RCL1: variants seen among roughly 807,000 people sequenced by gnomAD.
RCL1 encodes RNA terminal phosphate cyclase like 1.
RCL1 carries 24 observed loss-of-function variants against 42.4 expected under a neutral mutation model. That is an observed-to-expected ratio of 0.57 (90% CI 0.41 to 0.80). RCL1 has a LOEUF of 0.80. Among genes scored for constraint, RCL1 ranks in the 30% least tolerant of loss-of-function variants. The probability of loss-of-function intolerance (pLI) is 0.00; values close to 1 mark genes in which losing one functional copy is unlikely to be tolerated. For missense variants in RCL1, 578 were observed against 467.9 expected (o/e 1.24, Z -2.17); for synonymous variants, 228 against 177.3 (o/e 1.29, Z -2.27).
intron 1 of RCL1, among the ~76,000 whole-genome samples, chr9:4,814,594 G>A (rs1816306142): frequency 6.6e-6 from 1 of 152,106 alleles, no homozygotes; most frequent in Non-Finnish European, 1.5e-5. Flanking sequence ...TTGTTTTCTG[G>A]TTGATTCGTG....
At chr9:4,840,980 CAG>C (rs745733873) in intron 5 of RCL1, among the ~76,000 whole-genome samples, 65 of 152,118 alleles carry the variant, frequency 4.3e-4, no homozygotes, top group South Asian at 1.9e-3. Flanking sequence ...GGTAGGAAGT[CAG>C]GGGGTGGGGT....
rs762694990 is a variant in RCL1, at chr9:4,793,209, G to T, written c.118G>T (p.Asp40Tyr). ...AATCCGAAAGATTCGGGCCAGAGAC[G>T]ACAACCCGGGCCTCCGAGGTAACTT... Reference protein sequence around the residue: ...VKIRKIRARDDNPGLRDFEAS... With the variant: ...VKIRKIRARDYNPGLRDFEAS... The change falls in exon 1 of 9, where the codon GAC becomes TAC. Residue 40 changes from aspartate to tyrosine, a missense_variant. Coordinates refer to ENST00000381750, the MANE Select transcript of RCL1 (RefSeq NM_005772.5). 2.5e-6 allele frequency: 4 copies of T among 1,603,386 alleles called. No individual in the cohort carries two copies. The highest frequency in any genetic ancestry group is 4.5e-5 in the East Asian group (2 of 44,296).
chr9:4,807,380 T>C (rs7048196), intron 1 of RCL1, among the ~76,000 whole-genome samples: 11,706 of 152,282 alleles, frequency 0.077, 958 homozygotes, highest in African/African-American at 0.2. Flanking sequence ...CTAGTGTATG[T>C]ATTTAAAGCA....
chr9:4,795,381 C>A (rs1842898013), intron 1 of RCL1, among the ~76,000 whole-genome samples: 1 of 152,134 alleles, frequency 6.6e-6, no homozygotes, highest in Non-Finnish European at 1.5e-5. Context: ...CTGCGCCCAG[C>A]CTGTCTGCTT....
intron 1 of RCL1, among the ~76,000 whole-genome samples, chr9:4,802,074 ATTTTTTTTT>A (rs34756856): frequency 4.2e-5 from 4 of 95,458 alleles, no homozygotes; most frequent in African/African-American, 7.7e-5. Flanking sequence ...ACGCCTGGCT[ATTTTTTTTT>A]TTTTTTTTTT....
chr9:4,847,730 C>T (rs1314946696), intron 7 of RCL1, among the ~76,000 whole-genome samples: 1 of 152,252 alleles, frequency 6.6e-6, no homozygotes, highest in Non-Finnish European at 1.5e-5. Flanking sequence ...CGACCCATTT[C>T]GGAAAGGCTT....
chr9:4,807,891 C>T (rs1055715492), intron 1 of RCL1, among the ~76,000 whole-genome samples: 4 of 152,134 alleles, frequency 2.6e-5, no homozygotes, highest in African/African-American at 7.2e-5. Flanking sequence ...ATTTTAATTT[C>T]ATTCCATTAC....
At chr9:4,807,777 C>T (rs897941906) in intron 1 of RCL1, among the ~76,000 whole-genome samples, 1 of 152,154 alleles carries the variant, frequency 6.6e-6, no homozygotes, top group African/African-American at 2.4e-5. Flanking sequence ...CCTGAGCCTC[C>T]CAAAATGCTG....
chr9:4,841,430 C>T (rs1215078712), intron 6 of RCL1, 73 bp downstream of exon 6: 1 of 1,252,878 alleles, frequency 8.0e-7, no homozygotes, highest in African/African-American at 1.5e-5. Flanking sequence ...GTTAAAACTG[C>T]CAGCTCTGAG....
chr9:4,821,384 A>C (rs1169484630), intron 1 of RCL1, among the ~76,000 whole-genome samples: 1 of 152,182 alleles, frequency 6.6e-6, no homozygotes, highest in Non-Finnish European at 1.5e-5. Context: ...GTGTCATTTG[A>C]CTAGGGCAAT....
At chr9:4,836,137 A>T (rs553934134) in intron 5 of RCL1, among the ~76,000 whole-genome samples, 1 of 152,226 alleles carries the variant, frequency 6.6e-6, no homozygotes, top group South Asian at 2.1e-4. Context: ...GTGTTCCAGC[A>T]GTAAGGTCCT....
intron 5 of RCL1, chr9:4,839,785 G>A: frequency 1.0e-6 from 1 of 963,712 alleles, no homozygotes. Flanking sequence ...CAGAGGTAAA[G>A]CCCTTGCCCT....
intron 8 of RCL1, among the ~76,000 whole-genome samples, chr9:4,857,319 C>A (rs1258658186): frequency 6.6e-6 from 1 of 152,132 alleles, no homozygotes; most frequent in East Asian, 1.9e-4. Context: ...GATAGATTTG[C>A]CTGTTGTGGC....
intron 2 of RCL1, among the ~76,000 whole-genome samples, chr9:4,825,427 C>T (rs1026737891): frequency 1.3e-5 from 2 of 152,090 alleles, no homozygotes; most frequent in African/African-American, 4.8e-5. Flanking sequence ...GTGGCCCTTA[C>T]AACTATTTCA....
intron 1 of RCL1, among the ~76,000 whole-genome samples, chr9:4,794,395 T>C (rs1842880687): frequency 6.6e-6 from 1 of 152,214 alleles, no homozygotes; most frequent in Non-Finnish European, 1.5e-5. Flanking sequence ...GTGGTTCCTG[T>C]CCTCTCTCTA....
In RCL1 at chr9:4,841,346, C is replaced by G. The variant is rs778933788; in HGVS notation, c.699C>G (p.Val233=). 1.2e-6 allele frequency: 2 copies of G among 1,611,912 alleles called. No homozygotes were observed. The highest frequency in any genetic ancestry group is 1.1e-5 in the South Asian group (1 of 90,958). ...TTTACACAGATCACATGAAAGGAGT[C>G]AACTCTGGGAAGTAAGTATCTGTGT... ...IYIYTDHMKG[V]NSGKSPGFGL... Residue 233 remains valine, a synonymous_variant, in exon 6 of 9, where the codon GTC becomes GTG. Coordinates refer to ENST00000381750, the MANE Select transcript of RCL1 (RefSeq NM_005772.5).
intron 8 of RCL1, among the ~76,000 whole-genome samples, chr9:4,855,092 T>A (rs968001155): frequency 8.6e-5 from 13 of 151,502 alleles, no homozygotes; most frequent in Non-Finnish European, 1.9e-4. Context: ...GTTATCTCTG[T>A]GCTCCAGAAT....
chr9:4,824,487 T>C (rs1352181849), intron 2 of RCL1, among the ~76,000 whole-genome samples: 2 of 151,962 alleles, frequency 1.3e-5, no homozygotes, highest in African/African-American at 2.4e-5. Flanking sequence ...TTCCAGTGTA[T>C]TGATGCATGA....
intron 1 of RCL1, 89 bp from the exon 2 acceptor site, chr9:4,823,459 A>G: frequency 1.0e-6 from 1 of 985,822 alleles, no homozygotes; most frequent in Non-Finnish European, 1.6e-6. Context: ...CTACCACAGT[A>G]CCTGAATCAG....
Sources: allele counts gnomAD v4.1 joint callset (sites outside exome capture counted in the v4.1 genomes callset), GRCh38; gene constraint gnomAD v4.1.1; transcripts MANE v1.5; gene names NCBI Gene and HGNC (gene_info 2026-07-23, HGNC 2026-07-21).